TCF7L1: variants seen among roughly 807,000 people sequenced by gnomAD.
TCF7L1 encodes the protein transcription factor 7 like 1.
TCF7L1 carries 18 observed loss-of-function variants against 63.7 expected under a neutral mutation model. The observed-to-expected ratio is 0.28, with a 90% CI of 0.20 to 0.42. The LOEUF (loss-of-function observed/expected upper bound fraction) is 0.42, where lower values mean the gene tolerates loss of function less well. Among genes scored for constraint, TCF7L1 ranks in the 10% least tolerant of loss-of-function variants. The pLI, the probability that TCF7L1 is intolerant of heterozygous loss-of-function variation, is 1.00. For missense variants in TCF7L1, 654 were observed against 779.3 expected (o/e 0.84, Z 1.91); for synonymous variants, 355 against 340.9 (o/e 1.04, Z -0.46).
At chr2:85,277,412 G>A (rs370026348) in intron 3 of TCF7L1, among the ~76,000 whole-genome samples, 46 of 152,156 alleles carry the variant, frequency 3.0e-4, no homozygotes, top group African/African-American at 9.9e-4. Context: ...ACCTGCACCC[G>A]GAGTTTGGGT....
chr2:85,305,494 C>T, intron 8 of TCF7L1, 91 bp downstream of exon 8: 5 of 1,448,336 alleles, frequency 3.5e-6, no homozygotes, highest in Non-Finnish European at 4.6e-6. Flanking sequence ...ATGTACTCTT[C>T]TCTCTTGGTG....
chr2:85,304,909 C>T (rs1422333056), intron 7 of TCF7L1, among the ~76,000 whole-genome samples: 2 of 152,086 alleles, frequency 1.3e-5, no homozygotes, highest in African/African-American at 2.4e-5. Flanking sequence ...TCTCAGGGAC[C>T]AGCTCTACCT....
chr2:85,245,688 G>C (rs183814252), intron 3 of TCF7L1, among the ~76,000 whole-genome samples: 1 of 152,012 alleles, frequency 6.6e-6, no homozygotes, highest in Admixed American at 6.6e-5. Context: ...GGTGGTGGGC[G>C]CTTGTAGTCC....
intron 3 of TCF7L1, among the ~76,000 whole-genome samples, chr2:85,242,733 G>C (rs1680364586): frequency 6.6e-6 from 1 of 152,182 alleles, no homozygotes; most frequent in Admixed American, 6.5e-5. Context: ...TTCCACACGG[G>C]ATGTGTTGCT....
intron 3 of TCF7L1, among the ~76,000 whole-genome samples, chr2:85,231,223 C>G (rs1365192139): frequency 6.6e-6 from 1 of 152,184 alleles, no homozygotes; most frequent in Non-Finnish European, 1.5e-5. Flanking sequence ...GACTCAGCTG[C>G]CCAAGCATCT....
At chr2:85,287,267 CTGT>C (rs1681584718) in intron 4 of TCF7L1, among the ~76,000 whole-genome samples, 2 of 152,226 alleles carry the variant, frequency 1.3e-5, no homozygotes, top group Non-Finnish European at 2.9e-5. Flanking sequence ...CTCCAAGATA[CTGT>C]ATTAATACAC....
chr2:85,173,538 A>G (rs1297775657), intron 3 of TCF7L1, among the ~76,000 whole-genome samples: 1 of 152,222 alleles, frequency 6.6e-6, no homozygotes, highest in African/African-American at 2.4e-5. Context: ...CACATATCCT[A>G]TATATGAAGG....
At chr2:85,181,116 G>A (rs1472112158) in intron 3 of TCF7L1, among the ~76,000 whole-genome samples, 1 of 152,186 alleles carries the variant, frequency 6.6e-6, no homozygotes, top group Non-Finnish European at 1.5e-5. Context: ...TCCTGAGTTG[G>A]GGCTTCTTTT....
At chr2:85,139,123 C>T (rs1016375175) in intron 3 of TCF7L1, among the ~76,000 whole-genome samples, 1 of 152,108 alleles carries the variant, frequency 6.6e-6, no homozygotes, top group Non-Finnish European at 1.5e-5. Context: ...ATTCTCCTGC[C>T]TCAGCCTCCT....
intron 3 of TCF7L1, among the ~76,000 whole-genome samples, chr2:85,256,782 C>T (rs927274578): frequency 6.6e-6 from 1 of 151,964 alleles, no homozygotes; most frequent in African/African-American, 2.4e-5. Flanking sequence ...GTCAGGAGTT[C>T]GAGACCAGCC....
At chr2:85,295,039 A>T (rs570674404) in intron 4 of TCF7L1, among the ~76,000 whole-genome samples, 100 of 152,048 alleles carry the variant, frequency 6.6e-4, no homozygotes, top group African/African-American at 1.7e-3. Flanking sequence ...GAAAAAAAAA[A>T]TTTTTTTAAA....
intron 3 of TCF7L1, among the ~76,000 whole-genome samples, chr2:85,193,016 A>C (rs1401281333): frequency 6.6e-6 from 1 of 152,212 alleles, no homozygotes; most frequent in African/African-American, 2.4e-5. Flanking sequence ...TAATCACTCA[A>C]TAAAATTAAG....
At chr2:85,170,700 A>T (rs1008619601) in intron 3 of TCF7L1, among the ~76,000 whole-genome samples, 2 of 152,190 alleles carry the variant, frequency 1.3e-5, no homozygotes, top group African/African-American at 4.8e-5. Flanking sequence ...ATCCCAGGAA[A>T]GAAAAATGGT....
intron 3 of TCF7L1, among the ~76,000 whole-genome samples, chr2:85,192,014 A>G (rs1055893388): frequency 1.3e-5 from 2 of 152,040 alleles, no homozygotes; most frequent in Non-Finnish European, 2.9e-5. Context: ...TGTTTTCACT[A>G]TGGTCCCAGA....
At chr2:85,190,597 T>C (rs983160271) in intron 3 of TCF7L1, among the ~76,000 whole-genome samples, 3 of 152,048 alleles carry the variant, frequency 2.0e-5, no homozygotes, top group Non-Finnish European at 4.4e-5. Context: ...CCTAGGAACA[T>C]GGGGGAATGA....
intron 3 of TCF7L1, among the ~76,000 whole-genome samples, chr2:85,192,333 TG>T (rs1679051897): frequency 6.6e-6 from 1 of 152,196 alleles, no homozygotes; most frequent in Admixed American, 6.5e-5. Flanking sequence ...GAGCTAGCAG[TG>T]AAAACAGTAT....
At chr2:85,180,824 C>T (rs1678789109) in intron 3 of TCF7L1, among the ~76,000 whole-genome samples, 1 of 152,188 alleles carries the variant, frequency 6.6e-6, no homozygotes, top group Admixed American at 6.5e-5. Flanking sequence ...GGTAAGGAAG[C>T]TGAGGTGCTG....
chr2:85,164,381 G>A (rs1678366258), intron 3 of TCF7L1, among the ~76,000 whole-genome samples: 1 of 152,274 alleles, frequency 6.6e-6, no homozygotes, highest in East Asian at 1.9e-4. Context: ...ATGAAGGCTG[G>A]GGTCAGGGGC....
chr2:85,137,908 A>T (rs1377265648), intron 3 of TCF7L1, among the ~76,000 whole-genome samples: 5 of 151,878 alleles, frequency 3.3e-5, no homozygotes, highest in African/African-American at 1.2e-4. Context: ...AAAAAAAAAA[A>T]AGAAAGAAAG....
Sources: gnomAD v4.1 joint callset for allele counts (sites outside exome capture counted in the v4.1 genomes callset) on GRCh38, gnomAD v4.1.1 for gene constraint, MANE v1.5 for transcripts, NCBI Gene and HGNC (gene_info 2026-07-23, HGNC 2026-07-21) for gene names.